The following SMCHD1 variants were observed in gnomAD, a reference collection of about 807,000 sequenced individuals.
The protein encoded by SMCHD1 is structural maintenance of chromosomes flexible hinge domain-containing protein 1.
In SMCHD1, 78 loss-of-function variants were observed where a neutral mutation model predicts 254.7. The ratio of observed to expected loss-of-function variants is 0.31; its 90% CI spans 0.26 to 0.37. SMCHD1 has a LOEUF of 0.37. SMCHD1 is among the 10% of genes least tolerant of loss of function. SMCHD1 has a pLI of 1.00. For synonymous variants in SMCHD1, 766 were observed against 794.9 expected, an observed-to-expected ratio of 0.96 and a Z score of 0.61; for missense variants, 1,840 against 2,408.1, an observed-to-expected ratio of 0.76 and a Z score of 4.94.
intron 29 of SMCHD1, among the ~76,000 whole-genome samples, chr18:2,746,203 C>T (rs1377652961): frequency 1.3e-5 from 2 of 152,044 alleles, no homozygotes; most frequent in Admixed American, 6.6e-5. Context: ...AATGAGGAAA[C>T]TGAAATTCTG....
chr18:2,796,745 T>G (rs1031167600), intron 47 of SMCHD1: 10 of 466,744 alleles, frequency 2.1e-5, no homozygotes, highest in Non-Finnish European at 3.4e-5. Context: ...CATGCTTGGC[T>G]AATTTTTTGT....
chr18:2,696,906 G>A, intron 8 of SMCHD1, 126 bp from the exon 9 acceptor site: 2 of 478,096 alleles, frequency 4.2e-6, no homozygotes, highest in Non-Finnish European at 7.5e-6. Context: ...AATGGAATAT[G>A]TATTTTAAAA....
At chr18:2,698,923 A>C (rs1276370400) in intron 10 of SMCHD1, among the ~76,000 whole-genome samples, 3 of 152,052 alleles carry the variant, frequency 2.0e-5, no homozygotes, top group Non-Finnish European at 4.4e-5. Flanking sequence ...TTGGGAAAAA[A>C]CATTTTCACT....
At chr18:2,670,940 C>CTTTTT (rs1235079896) in intron 3 of SMCHD1, among the ~76,000 whole-genome samples, 3 of 124,500 alleles carry the variant, frequency 2.4e-5, no homozygotes, top group African/African-American at 9.8e-5. Flanking sequence ...TCTTTTAATT[C>CTTTTT]TTTTTTTTTT....
intron 1 of SMCHD1, 49 bp from the exon 2 acceptor site, chr18:2,666,108 C>T (rs751947914): frequency 2.4e-6 from 2 of 826,454 alleles, no homozygotes; most frequent in Non-Finnish European, 3.9e-6. Context: ...TTGAATAATA[C>T]ATTTATTTCC....
At chr18:2,769,567 G>A (rs764068386) in intron 37 of SMCHD1, 127 bp from the exon 38 acceptor site, 2 of 928,020 alleles carry the variant, frequency 2.2e-6, no homozygotes, top group Non-Finnish European at 3.3e-6. Context: ...TTAAGGATCA[G>A]CCTATGCCTT....
intron 3 of SMCHD1, among the ~76,000 whole-genome samples, chr18:2,671,312 CTT>C (rs1245022553): frequency 2.0e-5 from 3 of 152,106 alleles, no homozygotes; most frequent in Non-Finnish European, 2.9e-5. Flanking sequence ...ATTTTAAACT[CTT>C]AATGTAGTTT....
intron 17 of SMCHD1, among the ~76,000 whole-genome samples, chr18:2,710,438 C>T (rs367650186): frequency 6.6e-6 from 1 of 152,182 alleles, no homozygotes; most frequent in Non-Finnish European, 1.5e-5. Flanking sequence ...CCATTGCGAT[C>T]CTGGTAGGGA....
intron 22 of SMCHD1, 168 bp downstream of exon 22, chr18:2,726,692 A>G: frequency 3.1e-6 from 1 of 325,456 alleles, no homozygotes; most frequent in East Asian, 5.5e-5. Context: ...TAAAAAGGAA[A>G]ACATTTAGGA....
At chr18:2,678,081 TTCGTATAAATGTGA>T (rs2073797454) in intron 5 of SMCHD1, among the ~76,000 whole-genome samples, 1 of 152,190 alleles carries the variant, frequency 6.6e-6, no homozygotes, top group South Asian at 2.1e-4. Context: ...TACTATCATT[TTCGTATAAATGTGA>T]TCGTTATACA....
At chr18:2,686,084 G>A (rs1568137601) in intron 5 of SMCHD1, among the ~76,000 whole-genome samples, 1 of 152,014 alleles carries the variant, frequency 6.6e-6, no homozygotes, top group Non-Finnish European at 1.5e-5. Flanking sequence ...TCTGTTCTTG[G>A]TGAATTTTTT....
intron 8 of SMCHD1, among the ~76,000 whole-genome samples, chr18:2,696,430 A>G (rs775467459): frequency 2.0e-5 from 3 of 152,140 alleles, no homozygotes; most frequent in African/African-American, 4.8e-5. Context: ...TGAACTGTGC[A>G]TGTGAGATAT....
chr18:2,703,618 AT>A (rs2074451670), intron 12 of SMCHD1, 73 bp from the exon 13 acceptor site: 2 of 1,264,468 alleles, frequency 1.6e-6, no homozygotes, highest in Non-Finnish European at 1.1e-6. Context: ...AAAAAATAAA[AT>A]GAATGACAAA....
At chr18:2,764,106 G>T in intron 37 of SMCHD1, 1 of 190,448 alleles carries the variant, frequency 5.3e-6, no homozygotes, top group Non-Finnish European at 1.1e-5. Flanking sequence ...ATGTAGCCCA[G>T]GTAAATTTTA....
intron 47 of SMCHD1, among the ~76,000 whole-genome samples, chr18:2,801,694 AATAT>A (rs1245646408): frequency 6.6e-6 from 1 of 152,114 alleles, no homozygotes; most frequent in Non-Finnish European, 1.5e-5. Flanking sequence ...ATGTATACTG[AATAT>A]ATATTTGTTA....
intron 41 of SMCHD1, among the ~76,000 whole-genome samples, 187 bp downstream of exon 41, chr18:2,772,559 A>G (rs1229871943): frequency 6.6e-6 from 1 of 152,224 alleles, no homozygotes; most frequent in Non-Finnish European, 1.5e-5. Context: ...TAATGTTACT[A>G]TTGAGGGCTG....
At chr18:2,758,290 T>G (rs2143667314) in intron 34 of SMCHD1, among the ~76,000 whole-genome samples, 1 of 152,310 alleles carries the variant, frequency 6.6e-6, no homozygotes, top group South Asian at 2.1e-4. Context: ...ATACAATCTT[T>G]CACTGTTCTC....
chr18:2,765,897 A>T (rs1428011924), intron 37 of SMCHD1, among the ~76,000 whole-genome samples: 1 of 152,160 alleles, frequency 6.6e-6, no homozygotes, highest in Non-Finnish European at 1.5e-5. Flanking sequence ...CATACTTAAC[A>T]TGCAGAGTGG....
intron 44 of SMCHD1, among the ~76,000 whole-genome samples, chr18:2,780,239 A>T (rs1366538874): frequency 0.011 from 28 of 2,470 alleles, no homozygotes; most frequent in African/African-American, 0.03. Flanking sequence ...GACTCTATCT[A>T]AAAAAAAAAA....
Sources: allele counts gnomAD v4.1 joint callset (sites outside exome capture counted in the v4.1 genomes callset), GRCh38; gene constraint gnomAD v4.1.1; transcripts MANE v1.5; gene names NCBI Gene and HGNC (gene_info 2026-07-23, HGNC 2026-07-21).